Variants in ENTREP2 observed in about 807,000 individuals in gnomAD.
ENTREP2 encodes the protein protein ENTREP2.
the ENTREP2 span, among the ~76,000 whole-genome samples, chr15:29,549,338 C>T: frequency 6.7e-6 from 1 of 150,336 alleles, no homozygotes; most frequent in African/African-American, 2.5e-5. Context: ...GGTGTGATAT[C>T]CACTCACTGC....
At chr15:29,517,644 A>G in the ENTREP2 span, among the ~76,000 whole-genome samples, 5 of 152,150 alleles carry the variant, frequency 3.3e-5, no homozygotes, top group African/African-American at 1.2e-4. Context: ...CCTGAAAGTA[A>G]AATGTATAAT....
At chr15:29,615,446 G>A in the ENTREP2 span, among the ~76,000 whole-genome samples, 240 of 152,168 alleles carry the variant, frequency 1.6e-3, no homozygotes, top group African/African-American at 5.6e-3. Context: ...GAGCCACAAC[G>A]CCTGGCCCCC....
chr15:29,429,787 C>A, the ENTREP2 span, among the ~76,000 whole-genome samples: 1 of 152,184 alleles, frequency 6.6e-6, no homozygotes, highest in Non-Finnish European at 1.5e-5. Context: ...GCCAACAGGG[C>A]TGTGCAATGC....
chr15:29,411,387 C>A, the ENTREP2 span, among the ~76,000 whole-genome samples: 1 of 152,110 alleles, frequency 6.6e-6, no homozygotes, highest in Non-Finnish European at 1.5e-5. Flanking sequence ...TGAGGCCAAT[C>A]TAGTAGGTGT....
the ENTREP2 span, chr15:29,196,697 T>C: frequency 1.1e-6 from 1 of 919,360 alleles, no homozygotes; most frequent in African/African-American, 1.7e-5. Context: ...GTTTAAGTAG[T>C]ACAGCAAAAA....
chr15:29,566,846 T>TACACACACACACACACAC, the ENTREP2 span, among the ~76,000 whole-genome samples: 4,091 of 146,074 alleles, frequency 0.028, 130 homozygotes, highest in East Asian at 0.1. Context: ...AAAGGAAAAA[T>TACACACACACACACACAC]ACACACACAC....
the ENTREP2 span, among the ~76,000 whole-genome samples, chr15:29,656,689 G>A: frequency 6.6e-6 from 1 of 152,140 alleles, no homozygotes; most frequent in African/African-American, 2.4e-5. Context: ...CTAAAAACCT[G>A]ACACCACCAA....
chr15:29,248,909 A>G, the ENTREP2 span, among the ~76,000 whole-genome samples: 1 of 152,252 alleles, frequency 6.6e-6, no homozygotes. Flanking sequence ...AAAGGATTCA[A>G]TTTGTATAAG....
At chr15:29,183,965 C>A in the ENTREP2 span, among the ~76,000 whole-genome samples, 1 of 152,052 alleles carries the variant, frequency 6.6e-6, no homozygotes, top group African/African-American at 2.4e-5. Flanking sequence ...TCATACTTTT[C>A]TGCACGTTGA....
the ENTREP2 span, among the ~76,000 whole-genome samples, chr15:29,639,254 A>C: frequency 6.6e-6 from 1 of 152,214 alleles, no homozygotes; most frequent in Non-Finnish European, 1.5e-5. Flanking sequence ...AATGCTGTCC[A>C]GAAAAAAACT....
At chr15:29,297,166 C>T in the ENTREP2 span, among the ~76,000 whole-genome samples, 7 of 152,194 alleles carry the variant, frequency 4.6e-5, 1 homozygote, top group African/African-American at 1.4e-4. Flanking sequence ...GACACTCAGC[C>T]GTATCACATT....
chr15:29,118,840 T>C, the ENTREP2 span, among the ~76,000 whole-genome samples: 1 of 152,154 alleles, frequency 6.6e-6, no homozygotes, highest in African/African-American at 2.4e-5. Flanking sequence ...TGGTGTCACC[T>C]GGTGTGGGAA....
At chr15:29,598,246 A>C in the ENTREP2 span, among the ~76,000 whole-genome samples, 1 of 152,296 alleles carries the variant, frequency 6.6e-6, no homozygotes, top group Non-Finnish European at 1.5e-5. Context: ...CATCCCCTCC[A>C]GCAGTTGGTA....
At chr15:29,489,389 C>T in the ENTREP2 span, among the ~76,000 whole-genome samples, 1 of 152,248 alleles carries the variant, frequency 6.6e-6, no homozygotes, top group South Asian at 2.1e-4. Flanking sequence ...AGTTACCTGC[C>T]AAAGTAAGAC....
At chr15:29,602,611 C>T in the ENTREP2 span, among the ~76,000 whole-genome samples, 2 of 152,144 alleles carry the variant, frequency 1.3e-5, no homozygotes, top group Non-Finnish European at 1.5e-5. Context: ...GATCTCAGCT[C>T]ATTGCAACCT....
chr15:29,611,904 G>A, the ENTREP2 span, among the ~76,000 whole-genome samples: 18 of 152,238 alleles, frequency 1.2e-4, no homozygotes, highest in South Asian at 4.1e-4. Flanking sequence ...CTGCCTGTGC[G>A]TTCTGTCTGC....
At chr15:29,266,876 C>T in the ENTREP2 span, 2 of 152,112 alleles carry the variant, frequency 1.3e-5, no homozygotes, top group Non-Finnish European at 2.9e-5. Flanking sequence ...ATTGCTAACA[C>T]CTCTGAGAAA....
chr15:29,483,260 G>C, the ENTREP2 span, among the ~76,000 whole-genome samples: 1 of 152,134 alleles, frequency 6.6e-6, no homozygotes, highest in African/African-American at 2.4e-5. Flanking sequence ...TATAACTTCT[G>C]CAAATATTTT....
chr15:29,620,477 C>G, the ENTREP2 span, among the ~76,000 whole-genome samples: 1 of 151,972 alleles, frequency 6.6e-6, no homozygotes, highest in South Asian at 2.1e-4. Flanking sequence ...TTGCAAATCT[C>G]AAGAATGGGT....
Sources: gnomAD v4.1 joint callset for allele counts (sites outside exome capture counted in the v4.1 genomes callset) on GRCh38, gnomAD v4.1.1 for gene constraint, MANE v1.5 for transcripts, NCBI Gene and HGNC (gene_info 2026-07-23, HGNC 2026-07-21) for gene names.